AGAP1: variants seen among roughly 807,000 people sequenced by gnomAD.
AGAP1 encodes ArfGAP with GTPase domain, ankyrin repeat and PH domain 1, also known as arf-GAP with GTPase, ANK repeat and PH domain-containing protein 1.
In AGAP1, 29 loss-of-function variants were observed where a neutral mutation model predicts 105.3. That is an observed-to-expected ratio of 0.28 (90% CI 0.21 to 0.38). The LOEUF is 0.38. Ranked by LOEUF, AGAP1 falls within the 10% of genes least tolerant of loss-of-function variation. The pLI is 1.00. For synonymous variants in AGAP1, 509 were observed against 485.9 expected, an observed-to-expected ratio of 1.05 and a Z score of -0.63; for missense variants, 998 against 1,165.1, an observed-to-expected ratio of 0.86 and a Z score of 2.09.
At position 235,983,341 on chromosome 2, in the gene AGAP1, C is replaced by G. The variant is rs960113887; in HGVS notation, c.1645+14718C>G. Reference sequence around the variant, plus strand: ...TGCTAGGCCCCCTCCTTTTGTTCAGCTCCTCCTCTCCAGCACCAACCTCCC... The same window carrying G: ...TGCTAGGCCCCCTCCTTTTGTTCAGGTCCTCCTCTCCAGCACCAACCTCCC... On this transcript the variant is annotated intron_variant, in intron 13 of 17. Transcript: ENST00000304032. The surrounding 1 kb of genome is among the most constrained non-coding windows in gnomAD (Gnocchi z 4.5). 1.5e-4 allele frequency among the ~76,000 whole-genome samples: 23 copies of G among 152,026 alleles called. No individual in the cohort carries two copies. The highest frequency in any genetic ancestry group is 5.3e-4 in the Admixed American group (8 of 15,118).
chr2:236,017,015 G>A (rs1022727229), intron 13 of AGAP1, among the ~76,000 whole-genome samples: 2 of 151,950 alleles, frequency 1.3e-5, no homozygotes, highest in Non-Finnish European at 2.9e-5. Context: ...CAGGCCAGAC[G>A]CAGTGGCTCA....
chr2:235,516,303 CAG>C (rs1225729072), intron 1 of AGAP1, among the ~76,000 whole-genome samples: 1 of 152,106 alleles, frequency 6.6e-6, no homozygotes, highest in Non-Finnish European at 1.5e-5. Flanking sequence ...AGAAATAAAA[CAG>C]AAATGCTGTA....
rs961241144 is a variant in AGAP1, at chr2:236,109,814, A to G, written c.2115-10378A>G. On this transcript the variant is annotated intron_variant, in intron 16 of 17. Transcript: ENST00000304032. This position sits in a 1 kb window ranked among gnomAD's most constrained non-coding sequence, Gnocchi z 5.4. The stretch of plus-strand genomic sequence containing the variant: ...TTATTTTGTTTCAATTCACGTCAAC[A>G]CCCACGGGCAGCTTACAGCTGCCCC... Among the ~76,000 whole-genome samples, 16 of 152,218 alleles carry G rather than the reference A, an allele frequency of 1.1e-4. No individual in the cohort carries two copies. The highest frequency in any genetic ancestry group is 3.4e-4 in the African/African-American group (14 of 41,450).
chr2:235,813,791 A>G (rs1958294210), intron 9 of AGAP1, among the ~76,000 whole-genome samples: 1 of 152,208 alleles, frequency 6.6e-6, no homozygotes, highest in Admixed American at 6.5e-5. Flanking sequence ...GCCTTAGTGT[A>G]CTGGAAGAAT....
intron 11 of AGAP1, among the ~76,000 whole-genome samples, chr2:235,924,580 T>G (rs186761643): frequency 1.3e-5 from 2 of 152,296 alleles, no homozygotes; most frequent in East Asian, 3.9e-4. Flanking sequence ...TGCCCTAGGT[T>G]CCTGGGTGAT....
At chr2:235,590,488 C>T (rs968865852) in intron 1 of AGAP1, among the ~76,000 whole-genome samples, 9 of 151,922 alleles carry the variant, frequency 5.9e-5, no homozygotes, top group African/African-American at 1.7e-4. Context: ...CAGGAAGGGA[C>T]GGGAGGCTGG....
In AGAP1 at chr2:235,741,215, C is replaced by CT. The variant is rs1251437374; in HGVS notation, c.396+174dup. 6.6e-6 allele frequency among the ~76,000 whole-genome samples: 1 copy of CT among 152,062 alleles called. No individual in the cohort carries two copies. The highest frequency in any genetic ancestry group is 6.6e-5 in the Admixed American group (1 of 15,264). ...TTTTCTCATCTCTAAGAAGCTAATT[C>CT]TTTTTTTATTTTTTTCCCAGACTAA... On this transcript the variant is annotated intron_variant, in intron 4 of 17. Coordinates refer to ENST00000304032, the MANE Select transcript of AGAP1 (RefSeq NM_001037131.3). The surrounding 1 kb of genome is among the most constrained non-coding windows in gnomAD (Gnocchi z 4.9).
intron 9 of AGAP1, among the ~76,000 whole-genome samples, chr2:235,880,083 C>CTTTT (rs35633339): frequency 7.2e-6 from 1 of 138,890 alleles, no homozygotes; most frequent in Non-Finnish European, 1.6e-5. Context: ...GCACTCTGGC[C>CTTTT]TTTTTTTTTT....
rs114438304 is a variant in AGAP1 at position 235,752,494 on chromosome 2, A to G, written c.673+2006A>G. 0.021 allele frequency among the ~76,000 whole-genome samples: 3,254 copies of G among 152,230 alleles called. 100 individuals are homozygous for G. The highest frequency in any genetic ancestry group is 0.067 in the African/African-American group (2,799 of 41,540). On this transcript the variant is annotated intron_variant, in intron 6 of 17. Transcript: ENST00000304032. This position sits in a 1 kb window ranked among gnomAD's most constrained non-coding sequence, Gnocchi z 4.3. ...GCGCCTGGCTGTAAATAGACTTTTC[A>G]TGACGCAGAGCCACGCTTTGTGTCG... is the stretch of plus-strand genomic sequence containing the variant.
In AGAP1 at chr2:236,105,074, T is replaced by A. The variant is rs2059450547; in HGVS notation, c.2115-15118T>A. The stretch of plus-strand genomic sequence containing the variant: ...TGCTGGGTGGGAAGATAAAGCTGAG[T>A]TCCTTCTGTCTGTCTCGGTGAGAGA... On this transcript the variant is annotated intron_variant, in intron 16 of 17. Coordinates refer to ENST00000304032, the MANE Select transcript of AGAP1 (RefSeq NM_001037131.3). This position sits in a 1 kb window ranked among gnomAD's most constrained non-coding sequence, Gnocchi z 4.2. Among the ~76,000 whole-genome samples the A allele has an allele frequency of 6.6e-6, 1 of 151,694 alleles. No homozygotes were observed. The highest frequency in any genetic ancestry group is 6.6e-5 in the Admixed American group (1 of 15,224).
intron 1 of AGAP1, among the ~76,000 whole-genome samples, chr2:235,598,929 T>A (rs1372519557): frequency 6.6e-6 from 1 of 152,230 alleles, no homozygotes; most frequent in Non-Finnish European, 1.5e-5. Flanking sequence ...TATTTAGGGC[T>A]GTGGATGGGC....
At position 235,982,216 on chromosome 2, in the gene AGAP1, C is replaced by G. The variant is rs1003045053; in HGVS notation, c.1645+13593C>G. 1.3e-5 allele frequency among the ~76,000 whole-genome samples: 2 copies of G among 152,160 alleles called. No individual in the cohort carries two copies. The highest frequency in any genetic ancestry group is 4.8e-5 in the African/African-American group (2 of 41,450). ...GTAATTTTACCTGGACAAGTAAATC[C>G]ATTTCTCACATTTAAAGAGAATCAA... On this transcript the variant is annotated intron_variant, in intron 13 of 17. Transcript: ENST00000304032. The surrounding 1 kb of genome is among the most constrained non-coding windows in gnomAD (Gnocchi z 4.9).
rs1166532532 is a variant in AGAP1, at chr2:235,719,733, T to G, written c.310+2089T>G. On this transcript the variant is annotated intron_variant, in intron 3 of 17. Coordinates refer to ENST00000304032, the MANE Select transcript of AGAP1 (RefSeq NM_001037131.3). The surrounding 1 kb of genome is among the most constrained non-coding windows in gnomAD (Gnocchi z 4.9). ...GATCATGATCCCTGACCTTTTCTCA[T>G]GCCCTGCAGCAGCCCTCCCTGGGCA... Among the ~76,000 whole-genome samples, 1 of 152,188 alleles carries G rather than the reference T, an allele frequency of 6.6e-6. No individual in the cohort carries two copies. The highest frequency in any genetic ancestry group is 2.4e-5 in the African/African-American group (1 of 41,460).
At position 236,080,799 on chromosome 2, in the gene AGAP1, G is replaced by T. The variant is rs1460856507; in HGVS notation, c.2114+31518G>T. ...CTTCTAGAAGCTGCTACTCATCTTGGTGGCCTTGCATCCCCTCTGACCTGT... is the reference window on the plus strand; with the variant it reads ...CTTCTAGAAGCTGCTACTCATCTTGTTGGCCTTGCATCCCCTCTGACCTGT... On this transcript the variant is annotated intron_variant, in intron 16 of 17. Transcript: ENST00000304032. The surrounding 1 kb of genome is among the most constrained non-coding windows in gnomAD (Gnocchi z 4.2). Among the ~76,000 whole-genome samples the T allele has an allele frequency of 6.6e-6, 1 of 152,090 alleles. No individual in the cohort carries two copies. The highest frequency in any genetic ancestry group is 1.5e-5 in the Non-Finnish European group (1 of 68,014).
At position 235,729,799 on chromosome 2, in the gene AGAP1, C is replaced by T. The variant is rs1019314553; in HGVS notation, c.311-11164C>T. Reference sequence around the variant, plus strand: ...AAAAGAAATACCAAAGATGAGACTACAGCAGCGACTTGTCACCTCTTCCGT... The same window carrying T: ...AAAAGAAATACCAAAGATGAGACTATAGCAGCGACTTGTCACCTCTTCCGT... On this transcript the variant is annotated intron_variant, in intron 3 of 17. Transcript: ENST00000304032. The surrounding 1 kb of genome is among the most constrained non-coding windows in gnomAD (Gnocchi z 5.0). Among the ~76,000 whole-genome samples the T allele has an allele frequency of 6.6e-6, 1 of 152,122 alleles. No individual in the cohort carries two copies. The highest frequency in any genetic ancestry group is 2.4e-5 in the African/African-American group (1 of 41,380).
rs1466266579 is a variant in AGAP1 at position 235,574,574 on chromosome 2, A to T, written c.163+79725A>T. On this transcript the variant is annotated intron_variant, in intron 1 of 17. Coordinates refer to ENST00000304032, the MANE Select transcript of AGAP1 (RefSeq NM_001037131.3). This position sits in a 1 kb window ranked among gnomAD's most constrained non-coding sequence, Gnocchi z 5.0. ...AAGTCTTTGGTTTCCTTGATTTGATAGTTTTTACCAGGCTGTTCAAAAAGT... is the reference window on the plus strand; with the variant it reads ...AAGTCTTTGGTTTCCTTGATTTGATTGTTTTTACCAGGCTGTTCAAAAAGT... 6.6e-6 allele frequency among the ~76,000 whole-genome samples: 1 copy of T among 152,156 alleles called. No homozygotes were observed. The highest frequency in any genetic ancestry group is 1.5e-5 in the Non-Finnish European group (1 of 68,026).
In AGAP1 at chr2:235,967,941, A is replaced by C. The variant is rs1212107272; in HGVS notation, c.1484-521A>C. On this transcript the variant is annotated intron_variant, in intron 12 of 17. Coordinates refer to ENST00000304032, the MANE Select transcript of AGAP1 (RefSeq NM_001037131.3). This position sits in a 1 kb window ranked among gnomAD's most constrained non-coding sequence, Gnocchi z 4.7. ...GGTGAGAGAGAGAAAAAAATGGCAT[A>C]GAATTTTTCACTGATAATAAAACAA... 2.0e-5 allele frequency among the ~76,000 whole-genome samples: 3 copies of C among 152,238 alleles called. No homozygotes were observed.
chr2:236,104,189 C>T lies in AGAP1; in HGVS notation c.2115-16003C>T, dbSNP rs1372428333. On this transcript the variant is annotated intron_variant, in intron 16 of 17. Coordinates refer to ENST00000304032, the MANE Select transcript of AGAP1 (RefSeq NM_001037131.3). This position sits in a 1 kb window ranked among gnomAD's most constrained non-coding sequence, Gnocchi z 4.7. ...GGCCTGCAGGAAGAGGCTGAGGGCC[C>T]GCTCCAGCAGCCGGGGCGCTGGTAG... 1.3e-5 allele frequency among the ~76,000 whole-genome samples: 2 copies of T among 152,214 alleles called. No individual in the cohort carries two copies. The highest frequency in any genetic ancestry group is 2.9e-5 in the Non-Finnish European group (2 of 68,040).
rs955688915 is a variant in AGAP1, at chr2:235,611,233, C to T, written c.164-97946C>T. ...CTTGCCAGAGCACCTTCCCAGGCAG[C>T]TGCAAAGGTGGTCTTGGTTTGACTC... On this transcript the variant is annotated intron_variant, in intron 1 of 17. Coordinates refer to ENST00000304032, the MANE Select transcript of AGAP1 (RefSeq NM_001037131.3). This position sits in a 1 kb window ranked among gnomAD's most constrained non-coding sequence, Gnocchi z 5.0. Among the ~76,000 whole-genome samples, 3 of 152,088 alleles carry T rather than the reference C, an allele frequency of 2.0e-5. No homozygotes were observed. Among genetic ancestry groups the T allele is most frequent in the South Asian group, 2.1e-4 (1 of 4,828 alleles).
Sources: allele counts gnomAD v4.1 joint callset (sites outside exome capture counted in the v4.1 genomes callset), GRCh38; gene constraint gnomAD v4.1.1; non-coding constraint Gnocchi (gnomAD v3.1); transcripts MANE v1.5; gene names NCBI Gene and HGNC (gene_info 2026-07-23, HGNC 2026-07-21).